The following MPHOSPH8 variants were observed in gnomAD, a reference collection of about 807,000 sequenced individuals.
The protein encoded by MPHOSPH8 is M-phase phosphoprotein 8.
Under a neutral mutation model 87.3 loss-of-function variants are expected in MPHOSPH8, and 45 were observed. That is an observed-to-expected ratio of 0.52 (90% CI 0.41 to 0.66). The LOEUF (loss-of-function observed/expected upper bound fraction) is 0.66. Ranked by LOEUF, MPHOSPH8 falls within the 30% of genes least tolerant of loss-of-function variation. The pLI, the probability that MPHOSPH8 is intolerant of heterozygous loss-of-function variation, is 0.00. For missense variants in MPHOSPH8, 883 were observed against 1,020.2 expected, an observed-to-expected ratio of 0.87 and a Z score of 1.83; for synonymous variants, 366 against 376.9, an observed-to-expected ratio of 0.97 and a Z score of 0.33.
At chr13:19,642,021 C>G in intron 1 of MPHOSPH8, 94 bp from the exon 2 acceptor site, 1 of 1,083,394 alleles carries the variant, frequency 9.2e-7, no homozygotes, top group Non-Finnish European at 1.2e-6. Context: ...TTTTCAAGTT[C>G]TTTCATGTCT....
intron 5 of MPHOSPH8, among the ~76,000 whole-genome samples, chr13:19,654,998 G>A (rs774414525): frequency 5.3e-5 from 8 of 151,618 alleles, no homozygotes; most frequent in Admixed American, 2.6e-4. Context: ...GAAGTCACAC[G>A]CAAAATCCCC....
intron 12 of MPHOSPH8, chr13:19,670,976 C>T (rs1056970407): frequency 2.7e-6 from 3 of 1,108,414 alleles, no homozygotes; most frequent in Non-Finnish European, 3.7e-6. Context: ...CACGCCACCA[C>T]ATCCGGCTAA....
intron 5 of MPHOSPH8, among the ~76,000 whole-genome samples, chr13:19,657,600 G>A (rs1875265063): frequency 6.6e-6 from 1 of 152,078 alleles, no homozygotes; most frequent in African/African-American, 2.4e-5. Context: ...AGCATATCAG[G>A]TCCAGAGGCA....
Position 19,672,440 on chromosome 13 carries a change from A to G in MPHOSPH8, c.*565A>G, listed in dbSNP as rs1414955513. ...ATTACAGGCATGAGCCACCGCACCC[A>G]GCAAGAGTTATTTTCTTAACTTGAA... On this transcript the variant is annotated 3_prime_UTR_variant, in exon 14 of 14. Coordinates refer to ENST00000361479, the MANE Select transcript of MPHOSPH8 (RefSeq NM_017520.4). The G allele has an allele frequency of 1.3e-5, 2 of 151,866 alleles. No individual in the cohort carries two copies. The highest frequency in any genetic ancestry group is 2.9e-5 in the Non-Finnish European group (2 of 68,230). The allele number at this position is 151,866 out of a possible 1,614,324, so 9.4% of individuals were successfully genotyped here. A position where few individuals can be genotyped will look rare whatever the true frequency, so the allele number is the denominator to read the frequency against.
At chr13:19,635,291 C>CG (rs1873946462) in intron 1 of MPHOSPH8, among the ~76,000 whole-genome samples, 1 of 152,086 alleles carries the variant, frequency 6.6e-6, no homozygotes, top group African/African-American at 2.4e-5. Flanking sequence ...GAGGCCAAGG[C>CG]GGACGGATCA....
intron 5 of MPHOSPH8, 106 bp downstream of exon 5, chr13:19,650,366 C>T (rs1450182902): frequency 2.4e-5 from 31 of 1,302,422 alleles, no homozygotes; most frequent in Admixed American, 7.2e-5. Context: ...ATAATGGAGT[C>T]GAAGAGTTTA....
At position 19,648,415 on chromosome 13, in the gene MPHOSPH8, T is replaced by G. The variant is rs1874679153; in HGVS notation, c.1219-7T>G. 3 of 1,546,394 alleles carry G rather than the reference T, an allele frequency of 1.9e-6. No homozygotes were observed. The highest frequency in any genetic ancestry group is 2.6e-6 in the Non-Finnish European group (3 of 1,134,836). ...CATTCTTGTTTTGGATATCATGTCA[T>G]TTTCAGGACAAAGAAACCAAAAGAA... is the stretch of plus-strand genomic sequence containing the variant. On this transcript the variant is annotated splice_polypyrimidine_tract_variant and splice_region_variant and intron_variant, in intron 3 of 13. Coordinates refer to ENST00000361479, the MANE Select transcript of MPHOSPH8 (RefSeq NM_017520.4).
Position 19,672,213 on chromosome 13 carries a change from C to T in MPHOSPH8, c.*338C>T, listed in dbSNP as rs1001327948. On this transcript the variant is annotated 3_prime_UTR_variant, in exon 14 of 14. Transcript: ENST00000361479. ...AGGCTGGAGTGCAATGGTGCGATCT[C>T]GGCTCACTGCAAGCTCTGCCTCCTG... The T allele has an allele frequency of 4.6e-5, 10 of 217,356 alleles. No individual in the cohort carries two copies. Among genetic ancestry groups the T allele is most frequent in the South Asian group, 8.3e-5 (1 of 12,004 alleles). 13.5% of individuals were successfully genotyped at this position (217,356 alleles called of 1,614,324 possible).
At chr13:19,635,679 CTTATT>C (rs1873971565) in intron 1 of MPHOSPH8, among the ~76,000 whole-genome samples, 1 of 152,138 alleles carries the variant, frequency 6.6e-6, no homozygotes, top group Non-Finnish European at 1.5e-5. Flanking sequence ...AACTAAGAAA[CTTATT>C]TGTGTAAGGC....
At chr13:19,639,161 G>C (rs1367616790) in intron 1 of MPHOSPH8, among the ~76,000 whole-genome samples, 1 of 152,012 alleles carries the variant, frequency 6.6e-6, no homozygotes, top group Non-Finnish European at 1.5e-5. Flanking sequence ...GGTGCTACAG[G>C]GTCTGTGTGT....
chr13:19,638,608 C>CAA (rs35969936), intron 1 of MPHOSPH8, among the ~76,000 whole-genome samples: 3 of 135,900 alleles, frequency 2.2e-5, no homozygotes, highest in African/African-American at 5.3e-5. Context: ...GACTCTGTCT[C>CAA]AAAAAAAAAA....
At chr13:19,662,807 T>C (rs1406577558) in intron 8 of MPHOSPH8, among the ~76,000 whole-genome samples, 2 of 152,222 alleles carry the variant, frequency 1.3e-5, no homozygotes, top group African/African-American at 2.4e-5. Flanking sequence ...CAGAGGTTCT[T>C]AGGTTGGAGC....
At chr13:19,666,086 A>AG (rs918459683) in intron 9 of MPHOSPH8, among the ~76,000 whole-genome samples, 1 of 152,218 alleles carries the variant, frequency 6.6e-6, no homozygotes, top group African/African-American at 2.4e-5. Context: ...GGGCAGCAGC[A>AG]GGGGACTGCT....
At position 19,671,850 on chromosome 13, in the gene MPHOSPH8, G is replaced by T. The variant is rs1219493966; in HGVS notation, c.2558G>T (p.Gly853Val). The T allele has an allele frequency of 6.2e-7, 1 of 1,614,154 alleles. No individual in the cohort carries two copies. Among genetic ancestry groups the T allele is most frequent in the Non-Finnish European group, 8.5e-7 (1 of 1,180,004 alleles). The stretch of plus-strand genomic sequence containing the variant: ...TTTCAACAGGTTAAGTTGCTAATAG[G>T]TGCATACAGAGTGCAGCTGCAGTGA... ...APSAKVKLLI[G>V]AYRVQLQ The change falls in exon 14 of 14, where the codon GGT becomes GTT. Residue 853 changes from glycine to valine, a missense_variant. By Grantham distance (109) the Gly-to-Val change is moderately radical. Coordinates refer to ENST00000361479, the MANE Select transcript of MPHOSPH8 (RefSeq NM_017520.4).
intron 11 of MPHOSPH8, among the ~76,000 whole-genome samples, chr13:19,669,007 G>A (rs953415882): frequency 2.6e-5 from 4 of 152,184 alleles, no homozygotes; most frequent in African/African-American, 9.6e-5. Flanking sequence ...GGTAGACGTG[G>A]AGGCAGTGCA....
chr13:19,670,105 C>G (rs1876040382), intron 11 of MPHOSPH8, 131 bp from the exon 12 acceptor site: 2 of 1,060,390 alleles, frequency 1.9e-6, no homozygotes, highest in African/African-American at 3.2e-5. Flanking sequence ...CTCCTCTGAG[C>G]CTCCAGGCAG....
chr13:19,651,756 GA>G (rs1874862914), intron 5 of MPHOSPH8, among the ~76,000 whole-genome samples: 1 of 151,902 alleles, frequency 6.6e-6, no homozygotes. Flanking sequence ...AATTCCTTGG[GA>G]AAAAAATAAT....
chr13:19,642,589 G>A (rs1874358125), intron 2 of MPHOSPH8, among the ~76,000 whole-genome samples: 1 of 151,982 alleles, frequency 6.6e-6, no homozygotes, highest in African/African-American at 2.4e-5. Context: ...CGTGACATGA[G>A]CAACTTGTTT....
intron 1 of MPHOSPH8, among the ~76,000 whole-genome samples, chr13:19,637,573 C>A (rs1038638260): frequency 6.6e-6 from 1 of 152,020 alleles, no homozygotes; most frequent in African/African-American, 2.4e-5. Context: ...AATCCACCCG[C>A]CTCGGCCTCC....
Sources: gnomAD v4.1 joint callset for allele counts (sites outside exome capture counted in the v4.1 genomes callset) on GRCh38, gnomAD v4.1.1 for gene constraint, MANE v1.5 for transcripts, NCBI Gene and HGNC (gene_info 2026-07-23, HGNC 2026-07-21) for gene names.